EVL: variants seen among roughly 807,000 people sequenced by gnomAD.
EVL encodes the protein Enah/Vasp-like.
Under a neutral mutation model 59.6 loss-of-function variants are expected in EVL, and 21 were observed. That is an observed-to-expected ratio of 0.35 (90% CI 0.25 to 0.51). The LOEUF (loss-of-function observed/expected upper bound fraction) is 0.51, where lower values mean the gene tolerates loss of function less well. EVL is among the 20% of genes least tolerant of loss of function. The pLI is 0.97. For missense variants in EVL, 462 were observed against 546.6 expected (o/e 0.85, Z 1.54); for synonymous variants, 198 against 203.5 (o/e 0.97, Z 0.23).
intron 4 of EVL, 121 bp from the exon 5 acceptor site, chr14:100,126,586 G>A (rs773256734): frequency 1.8e-5 from 18 of 985,464 alleles, no homozygotes; most frequent in South Asian, 5.8e-5. Context: ...ACACAGTGGC[G>A]CTTGTGGAGC....
chr14:100,031,668 A>C (rs1465295202), intron 1 of EVL, among the ~76,000 whole-genome samples: 2 of 152,164 alleles, frequency 1.3e-5, no homozygotes, highest in Non-Finnish European at 2.9e-5. Context: ...TTTCGTAATA[A>C]TTTACAGACA....
At chr14:100,071,933 A>T (rs536816521) in intron 1 of EVL, among the ~76,000 whole-genome samples, 10 of 152,100 alleles carry the variant, frequency 6.6e-5, no homozygotes, top group Non-Finnish European at 1.5e-4. Flanking sequence ...CCTGTTTCAC[A>T]CCTGTGCCCA....
At chr14:99,984,257 G>A (rs2060826362) in intron 1 of EVL, among the ~76,000 whole-genome samples, 1 of 152,184 alleles carries the variant, frequency 6.6e-6, no homozygotes, top group Non-Finnish European at 1.5e-5. Context: ...CATAAGACAT[G>A]ATTTGTTTGG....
At chr14:100,102,384 G>A (rs1450781648) in intron 3 of EVL, 1 of 455,954 alleles carries the variant, frequency 2.2e-6, no homozygotes, top group African/African-American at 2.0e-5. Context: ...CATGTGGTAT[G>A]TTCCAGGCTC....
chr14:100,044,182 C>T (rs1482236872), intron 1 of EVL, among the ~76,000 whole-genome samples: 4 of 152,136 alleles, frequency 2.6e-5, no homozygotes, highest in Non-Finnish European at 5.9e-5. Flanking sequence ...AATAGTATTA[C>T]AGTGTGCACC....
intron 1 of EVL, among the ~76,000 whole-genome samples, chr14:100,025,152 C>G (rs185365813): frequency 7.9e-5 from 12 of 152,168 alleles, no homozygotes; most frequent in Non-Finnish European, 7.4e-5. Context: ...AATCATGTCA[C>G]TCCTGTTCTC....
Position 100,049,703 on chromosome 14 carries a change from A to G in EVL, c.6-34984A>G, listed in dbSNP as rs552015543. 3.9e-5 allele frequency among the ~76,000 whole-genome samples: 6 copies of G among 152,166 alleles called. No homozygotes were observed. The East Asian group carries it at 1.2e-3, about 29-fold the overall frequency. On this transcript the variant is annotated intron_variant, in intron 1 of 13. Coordinates refer to the EVL transcript ENST00000402714. ...AGTATACAACTCAGTTGTTTTTAGT[A>G]TATTCACTGAGTTTTGCAACCATCA... is the stretch of plus-strand genomic sequence containing the variant.
At chr14:100,037,569 G>A (rs1041192854) in intron 1 of EVL, among the ~76,000 whole-genome samples, 19 of 152,300 alleles carry the variant, frequency 1.2e-4, no homozygotes, top group African/African-American at 4.6e-4. Flanking sequence ...TCCAGGCTTG[G>A]CTGGTGTCCA....
chr14:100,013,375 T>C (rs995826010), intron 1 of EVL, among the ~76,000 whole-genome samples: 4 of 152,234 alleles, frequency 2.6e-5, no homozygotes, highest in Admixed American at 1.3e-4. Context: ...TTAGCTACCA[T>C]TGATTGTGGT....
At chr14:100,054,831 T>C (rs1410298850) in intron 1 of EVL, among the ~76,000 whole-genome samples, 1 of 152,148 alleles carries the variant, frequency 6.6e-6, no homozygotes, top group Non-Finnish European at 1.5e-5. Flanking sequence ...CACTGACCTC[T>C]TTGTGTCATT....
chr14:99,996,965 A>G (rs2060918075), intron 1 of EVL, among the ~76,000 whole-genome samples: 1 of 152,160 alleles, frequency 6.6e-6, no homozygotes. Flanking sequence ...CCCTCTTTTT[A>G]TAGGGGAAGA....
chr14:100,053,284 C>T (rs6575760), intron 1 of EVL, among the ~76,000 whole-genome samples: 142,494 of 152,270 alleles, frequency 0.94, 66,839 homozygotes, highest in African/African-American at 0.95. Context: ...TTTTTCTCCT[C>T]GTTTTTTCTC....
At position 100,053,317 on chromosome 14, in the gene EVL, T is replaced by G. The variant is rs138972163; in HGVS notation, c.6-31370T>G. ...CTCATTTCGCCTTCTAATGGATATATTATATTTCTTCAGTTGGTTGGAAAA... is the reference window on the plus strand; with the variant it reads ...CTCATTTCGCCTTCTAATGGATATAGTATATTTCTTCAGTTGGTTGGAAAA... On this transcript the variant is annotated intron_variant, in intron 1 of 13. Transcript: ENST00000402714. 4.8e-3 allele frequency among the ~76,000 whole-genome samples: 730 copies of G among 152,322 alleles called. 6 individuals carry two copies. The highest frequency in any genetic ancestry group is 0.017 in the African/African-American group (696 of 41,562).
intron 4 of EVL, 45 bp downstream of exon 4, chr14:100,123,647 G>C: frequency 1.2e-6 from 2 of 1,607,364 alleles, no homozygotes; most frequent in Non-Finnish European, 1.7e-6. Context: ...CTCCCAATCA[G>C]GCTGGGTGGC....
At chr14:100,056,099 C>T (rs1051522458) in intron 1 of EVL, among the ~76,000 whole-genome samples, 1 of 151,834 alleles carries the variant, frequency 6.6e-6, no homozygotes, top group Non-Finnish European at 1.5e-5. Context: ...CGTGAGCCAC[C>T]GCGCCTGGCC....
intron 2 of EVL, among the ~76,000 whole-genome samples, chr14:100,092,636 G>A (rs2140312919): frequency 6.6e-6 from 1 of 152,330 alleles, no homozygotes; most frequent in African/African-American, 2.4e-5. Flanking sequence ...TTGGGAGGCT[G>A]AAGCAGGAGA....
intron 1 of EVL, among the ~76,000 whole-genome samples, chr14:100,076,707 C>A (rs931379382): frequency 6.6e-6 from 1 of 152,166 alleles, no homozygotes; most frequent in African/African-American, 2.4e-5. Flanking sequence ...GAGGAAGTGG[C>A]CTGAGCCACA....
intron 1 of EVL, among the ~76,000 whole-genome samples, chr14:99,981,379 C>T (rs948777816): frequency 6.6e-5 from 10 of 151,648 alleles, no homozygotes; most frequent in African/African-American, 2.4e-4. Context: ...TTGCAGGAGC[C>T]GAGATCATGT....
intron 1 of EVL, among the ~76,000 whole-genome samples, chr14:100,067,339 C>T (rs1224793150): frequency 6.6e-6 from 1 of 152,344 alleles, no homozygotes; most frequent in East Asian, 1.9e-4. Flanking sequence ...AGCTCTAGCT[C>T]TGGCTACCCA....
Sources: allele counts gnomAD v4.1 joint callset (sites outside exome capture counted in the v4.1 genomes callset), GRCh38; gene constraint gnomAD v4.1.1; transcripts MANE v1.5; gene names NCBI Gene and HGNC (gene_info 2026-07-23, HGNC 2026-07-21).